LNPEP: variants seen among roughly 807,000 people sequenced by gnomAD.
The protein encoded by LNPEP is leucyl and cystinyl aminopeptidase, also known as leucyl-cystinyl aminopeptidase.
A neutral mutation model predicts 120.6 loss-of-function variants in LNPEP; 64 were observed. That is an observed-to-expected ratio of 0.53 (90% CI 0.43 to 0.65). The LOEUF is 0.65. Ranked by LOEUF, LNPEP falls within the 30% of genes least tolerant of loss-of-function variation. The pLI, the probability that LNPEP is intolerant of heterozygous loss-of-function variation, is 0.00. For missense variants in LNPEP, 1,057 were observed against 1,200.0 expected (o/e 0.88, Z 1.76); for synonymous variants, 435 against 425.4 (o/e 1.02, Z -0.28).
chr5:97,021,276 A>G (rs27292), intron 13 of LNPEP, among the ~76,000 whole-genome samples: 76,448 of 152,068 alleles, frequency 0.5, 19,412 homozygotes, highest in Middle Eastern at 0.58. Flanking sequence ...ACACTTGAAA[A>G]TGAAGCAAGT....
rs552140970 is a variant in LNPEP, at chr5:97,009,300, C to G, written c.2035+2785C>G. 3.9e-5 allele frequency among the ~76,000 whole-genome samples: 6 copies of G among 152,128 alleles called. No individual in the cohort carries two copies. The South Asian group carries it at 6.3e-4, about 16-fold the overall frequency. ...TACTTAGGTTTTTTAATAACATTCT[C>G]TACTTCTCCACTCATAATATACTGT... On this transcript the variant is annotated intron_variant, in intron 11 of 17. Coordinates refer to ENST00000231368, the MANE Select transcript of LNPEP (RefSeq NM_005575.3).
intron 14 of LNPEP, 91 bp from the exon 15 acceptor site, chr5:97,024,430 C>G (rs991709463): frequency 8.2e-7 from 1 of 1,214,860 alleles, no homozygotes; most frequent in African/African-American, 1.5e-5. Flanking sequence ...ATTACCAACC[C>G]TCACACCAGA....
chr5:97,021,101 A>G (rs1239382383), intron 13 of LNPEP, among the ~76,000 whole-genome samples: 1 of 152,232 alleles, frequency 6.6e-6, no homozygotes, highest in African/African-American at 2.4e-5. Context: ...ATGAATAACT[A>G]TTAGTTTTCT....
In LNPEP at chr5:97,006,230, C is replaced by A. The variant is rs753199773; in HGVS notation, c.1943C>A (p.Thr648Lys). The change falls in exon 10 of 18, where the codon ACA becomes AAA. Residue 648 changes from threonine to lysine, a missense_variant. Physicochemically the swap from Thr to Lys is moderately conservative, Grantham distance 78 (BLOSUM62 -1). Transcript: ENST00000231368. ...AAGCCTGAAATTCAGCCTTCAGATA[C>A]AAGGTACATGCCCTCTTTCTTTTCA... ...NMKPEIQPSD[T>K]SYLWHIPLSY... The A allele has an allele frequency of 6.2e-7, 1 of 1,601,024 alleles. No homozygotes were observed. Among genetic ancestry groups the A allele is most frequent in the Non-Finnish European group, 8.5e-7 (1 of 1,174,410 alleles).
At chr5:96,983,040 T>C (rs953571169) in intron 2 of LNPEP, among the ~76,000 whole-genome samples, 1 of 152,238 alleles carries the variant, frequency 6.6e-6, no homozygotes, top group Non-Finnish European at 1.5e-5. Flanking sequence ...CAGTGGATTC[T>C]ATCTCAGTCC....
intron 1 of LNPEP, among the ~76,000 whole-genome samples, chr5:96,945,590 G>T (rs1224523479): frequency 1.3e-5 from 2 of 152,054 alleles, no homozygotes; most frequent in Admixed American, 1.3e-4. Context: ...TTAGAATTTG[G>T]TATTTTATTG....
chr5:97,018,685 T>C (rs1279167816), intron 13 of LNPEP, among the ~76,000 whole-genome samples: 1 of 152,218 alleles, frequency 6.6e-6, no homozygotes, highest in Non-Finnish European at 1.5e-5. Flanking sequence ...GGAATTGGGA[T>C]AGGAGACATT....
intron 4 of LNPEP, among the ~76,000 whole-genome samples, chr5:96,989,338 A>AATATATAATATATTATATATT: frequency 4.1e-5 from 1 of 24,548 alleles, no homozygotes; most frequent in East Asian, 1.2e-3. Flanking sequence ...AATTATATAT[A>AATATATAATATATTATATATT]ATATATAATA....
chr5:96,961,114 T>C (rs975178032), intron 1 of LNPEP, among the ~76,000 whole-genome samples: 5 of 152,214 alleles, frequency 3.3e-5, no homozygotes, highest in Non-Finnish European at 5.9e-5. Context: ...ACTTGTACCA[T>C]GTTGTAGACT....
At chr5:97,014,576 ACT>A (rs1366167063) in intron 12 of LNPEP, among the ~76,000 whole-genome samples, 2 of 151,894 alleles carry the variant, frequency 1.3e-5, no homozygotes, top group Non-Finnish European at 2.9e-5. Flanking sequence ...GAAATCAGAT[ACT>A]CTCTATGCTA....
chr5:97,027,797 A>C lies in LNPEP; in HGVS notation c.2929A>C (p.Lys977Gln). ...VAGSTYLFST[K>Q]THLSEVQAFF... ...TGGATCAACTTACCTGTTTTCAACAAAGACACATTTATCTGAGGTTGGTTT... is the reference window on the plus strand; with the variant it reads ...TGGATCAACTTACCTGTTTTCAACACAGACACATTTATCTGAGGTTGGTTT... Residue 977 changes from lysine to glutamine, a missense_variant, in exon 17 of 18, where the codon AAG becomes CAG. By Grantham distance (53) the Lys-to-Gln change is moderately conservative (BLOSUM62 1). Coordinates refer to ENST00000231368, the MANE Select transcript of LNPEP (RefSeq NM_005575.3). 2 of 1,605,156 alleles carry C rather than the reference A, an allele frequency of 1.2e-6. No individual in the cohort carries two copies. Among genetic ancestry groups the C allele is most frequent in the Non-Finnish European group, 1.7e-6 (2 of 1,171,784 alleles).
intron 1 of LNPEP, among the ~76,000 whole-genome samples, chr5:96,953,861 T>C (rs1166082383): frequency 6.6e-6 from 1 of 152,232 alleles, no homozygotes; most frequent in Non-Finnish European, 1.5e-5. Context: ...AATGTTTGTG[T>C]TGGCATAATG....
chr5:96,942,162 G>A (rs932439484), intron 1 of LNPEP: 1 of 152,136 alleles, frequency 6.6e-6, no homozygotes, highest in East Asian at 1.9e-4. Context: ...TCAGTCACTC[G>A]TAAGTTGGGA....
At chr5:97,020,993 T>C (rs1791180971) in intron 13 of LNPEP, among the ~76,000 whole-genome samples, 1 of 152,128 alleles carries the variant, frequency 6.6e-6, no homozygotes, top group Non-Finnish European at 1.5e-5. Flanking sequence ...GTTTTTATTT[T>C]GGAGAGAGAT....
At position 97,022,443 on chromosome 5, in the gene LNPEP, G is replaced by T; in HGVS notation, c.2520G>T (p.Met840Ile). 1 of 1,614,068 alleles carries T rather than the reference G, an allele frequency of 6.2e-7. No individual in the cohort carries two copies. The highest frequency in any genetic ancestry group is 8.5e-7 in the Non-Finnish European group (1 of 1,179,960). Residue 840 changes from methionine (M) to isoleucine (I), a missense_variant, in exon 14 of 18, where the codon ATG (methionine) becomes ATT (isoleucine). Met to Ile is a conservative substitution (Grantham distance 10). Transcript: ENST00000231368. ...TGGGGAACTGCTCTACTACTGCCAT[G>T]AAACTGTTTGATGACTGGATGGCAT... Reference protein sequence around the residue: ...HNLGNCSTTAMKLFDDWMASN... With the variant: ...HNLGNCSTTAIKLFDDWMASN...
chr5:96,951,143 A>G (rs1037430847), intron 1 of LNPEP, among the ~76,000 whole-genome samples: 9 of 152,054 alleles, frequency 5.9e-5, no homozygotes, highest in Non-Finnish European at 1.3e-4. Flanking sequence ...TCTATCAAGG[A>G]CACCAATCCT....
intron 1 of LNPEP, among the ~76,000 whole-genome samples, chr5:96,956,703 T>G (rs897966292): frequency 7.9e-5 from 12 of 152,200 alleles, no homozygotes; most frequent in Non-Finnish European, 7.3e-5. Context: ...TTGAGGTGAT[T>G]GTTTCTTCAG....
In LNPEP at chr5:97,014,976, A is replaced by T. The variant is rs753952970; in HGVS notation, c.2257A>T (p.Ile753Phe). 13 of 1,589,722 alleles carry T rather than the reference A, an allele frequency of 8.2e-6. No individual in the cohort carries two copies. The highest frequency in any genetic ancestry group is 1.0e-5 in the Non-Finnish European group (12 of 1,168,668). Reference protein sequence around the residue: ...KVPLKRAFDLINYLGNENHTA... With the variant: ...KVPLKRAFDLFNYLGNENHTA... ...ACCTCTCAAGAGGGCCTTTGATTTG[A>T]TTAATTATCTTGGAAATGAGAACCA... The change falls in exon 13 of 18, where the codon ATT (isoleucine) becomes TTT (phenylalanine). Residue 753 changes from isoleucine (I) to phenylalanine (F), a missense_variant. Physicochemically the swap from Ile to Phe is conservative, Grantham distance 21 (BLOSUM62 0). Transcript: ENST00000231368.
chr5:97,002,977 T>C (rs1790689472), intron 8 of LNPEP, among the ~76,000 whole-genome samples: 1 of 152,184 alleles, frequency 6.6e-6, no homozygotes, highest in African/African-American at 2.4e-5. Flanking sequence ...GCAGGGAGAC[T>C]TTTGAGAGCC....
Sources: gnomAD v4.1 joint callset for allele counts (sites outside exome capture counted in the v4.1 genomes callset) on GRCh38, gnomAD v4.1.1 for gene constraint, MANE v1.5 for transcripts, NCBI Gene and HGNC (gene_info 2026-07-23, HGNC 2026-07-21) for gene names.